RBFOX2: variants seen among roughly 807,000 people sequenced by gnomAD.
RBFOX2 encodes RNA binding fox-1 homolog 2.
RBFOX2 carries 10 observed loss-of-function variants against 49.1 expected under a neutral mutation model. The observed-to-expected ratio is 0.20, with a 90% CI of 0.13 to 0.35. The LOEUF (loss-of-function observed/expected upper bound fraction) is 0.35. RBFOX2 is among the 10% of genes least tolerant of loss of function. The pLI is 1.00. For missense variants in RBFOX2, 323 were observed against 486.9 expected (o/e 0.66, Z 3.17); for synonymous variants, 183 against 187.4 (o/e 0.98, Z 0.19).
At chr22:35,830,195 G>A (rs948554549) in intron 1 of RBFOX2, among the ~76,000 whole-genome samples, 2 of 152,174 alleles carry the variant, frequency 1.3e-5, no homozygotes, top group African/African-American at 2.4e-5. Context: ...ATATTTGCTG[G>A]ATGCTGACAC....
intron 1 of RBFOX2, among the ~76,000 whole-genome samples, chr22:35,987,636 T>A (rs1264523570): frequency 6.6e-6 from 1 of 152,200 alleles, no homozygotes; most frequent in Non-Finnish European, 1.5e-5. Context: ...AATTAATCTG[T>A]CAGCCTGTCA....
At chr22:35,901,133 A>G (rs981034898) in intron 1 of RBFOX2, among the ~76,000 whole-genome samples, 3 of 152,220 alleles carry the variant, frequency 2.0e-5, no homozygotes, top group African/African-American at 4.8e-5. Flanking sequence ...GATCAAAGGA[A>G]ATTGAGGCCC....
upstream of RBFOX2, among the ~76,000 whole-genome samples, chr22:35,964,991 A>G (rs1435537850): frequency 1.3e-5 from 2 of 152,228 alleles, no homozygotes; most frequent in East Asian, 1.9e-4. Flanking sequence ...TCCAATACTT[A>G]CTGAATACTT....
chr22:35,934,613 G>A (rs771835353), intron 1 of RBFOX2, among the ~76,000 whole-genome samples: 56 of 152,134 alleles, frequency 3.7e-4, no homozygotes, highest in Non-Finnish European at 6.0e-4. Flanking sequence ...GCCAGCCTTA[G>A]GAGCCTTAGG....
intron 1 of RBFOX2, chr22:35,898,419 C>CTTTTTTTTTTT (rs749708583): frequency 3.9e-6 from 1 of 257,100 alleles, no homozygotes; most frequent in Non-Finnish European, 7.3e-6. Flanking sequence ...TCCCACAATC[C>CTTTTTTTTTTT]TTTTTTTTTT....
chr22:35,948,878 T>C (rs1212866455), intron 1 of RBFOX2, among the ~76,000 whole-genome samples: 1 of 152,152 alleles, frequency 6.6e-6, no homozygotes. Context: ...GCATTAAGTA[T>C]ATTTATATTG....
chr22:35,857,365 T>C (rs2042629129), intron 1 of RBFOX2, among the ~76,000 whole-genome samples: 1 of 152,052 alleles, frequency 6.6e-6, no homozygotes, highest in Non-Finnish European at 1.5e-5. Flanking sequence ...ATATTAGCAG[T>C]AGGAATAAAG....
At chr22:35,927,560 C>T (rs2051794206) in intron 1 of RBFOX2, among the ~76,000 whole-genome samples, 2 of 141,980 alleles carry the variant, frequency 1.4e-5, no homozygotes, top group East Asian at 2.1e-4. Flanking sequence ...GCCAAGATCG[C>T]ACCATTGCAC....
At chr22:35,813,470 T>A (rs535640273) in intron 1 of RBFOX2, among the ~76,000 whole-genome samples, 13 of 152,196 alleles carry the variant, frequency 8.5e-5, no homozygotes, top group Non-Finnish European at 1.3e-4. Flanking sequence ...ATTACTAGCT[T>A]TCTCTTTAGT....
chr22:35,934,982 T>A (rs896202490), intron 1 of RBFOX2, among the ~76,000 whole-genome samples: 2 of 152,172 alleles, frequency 1.3e-5, no homozygotes, highest in Admixed American at 6.5e-5. Context: ...TCACCCAGGC[T>A]GGAGCGCAGT....
chr22:35,778,084 G>A lies in RBFOX2; in HGVS notation c.400-6C>T. On this transcript the variant is annotated splice_region_variant and splice_polypyrimidine_tract_variant and intron_variant, in intron 3 of 11. Transcript: ENST00000405409. ...TCTAGGATTTTGCCAAACTGCTGCAGAGATAAAAATAAAAACGTTTACTTA... is the reference window on the plus strand; with the variant it reads ...TCTAGGATTTTGCCAAACTGCTGCAAAGATAAAAATAAAAACGTTTACTTA... 6.2e-7 allele frequency: 1 copy of A among 1,609,194 alleles called. No individual in the cohort carries two copies. Among genetic ancestry groups the A allele is most frequent in the South Asian group, 1.1e-5 (1 of 90,256 alleles).
chr22:36,013,648 CAGAG>C lies in RBFOX2; in HGVS notation c.186+14588_186+14591del, dbSNP rs373268996. On this transcript the variant is annotated intron_variant, in intron 1 of 13. Coordinates refer to the RBFOX2 transcript ENST00000438146. ...ACAAACACACACACACACACACACA[CAGAG>C]AGAGAGAGAGAGAGAGAGACCACTA... 2.7e-3 allele frequency among the ~76,000 whole-genome samples: 406 copies of C among 147,968 alleles called. 1 individual carries two copies. Among genetic ancestry groups the C allele is most frequent in the South Asian group, 0.015 (68 of 4,634 alleles).
At chr22:35,912,180 T>A (rs1330926306) in intron 1 of RBFOX2, among the ~76,000 whole-genome samples, 1 of 152,174 alleles carries the variant, frequency 6.6e-6, no homozygotes. Context: ...GCATACTACG[T>A]ATACTTCTCT....
chr22:35,861,510 A>G lies in RBFOX2; in HGVS notation c.-33-51506T>C, dbSNP rs141759054. Reference sequence around the variant, plus strand: ...GGCAAAAAAAATGAACACCTGATTAAAAGAAGATGGTAAATGAGATAGTAA... The same window carrying G: ...GGCAAAAAAAATGAACACCTGATTAGAAGAAGATGGTAAATGAGATAGTAA... On this transcript the variant is annotated intron_variant, in intron 1 of 13. Coordinates refer to the RBFOX2 transcript ENST00000359369. Among the ~76,000 whole-genome samples, 1,426 of 152,308 alleles carry G rather than the reference A, an allele frequency of 9.4e-3. 23 individuals carry two copies. The highest frequency in any genetic ancestry group is 0.033 in the African/African-American group (1,368 of 41,568).
chr22:35,746,510 T>C, exon 10 of RBFOX2: 1 of 1,610,574 alleles, frequency 6.2e-7, no homozygotes, highest in Admixed American at 1.7e-5. Context: ...GCAGCAGCGG[T>C]GGCTGCGGTT....
At chr22:35,904,417 A>C (rs1205405776) in intron 1 of RBFOX2, among the ~76,000 whole-genome samples, 2 of 152,160 alleles carry the variant, frequency 1.3e-5, no homozygotes, top group Non-Finnish European at 2.9e-5. Flanking sequence ...ACTTTTTGTT[A>C]GGGAAGGTCA....
At chr22:36,020,996 C>T (rs1164548203) in intron 1 of RBFOX2, among the ~76,000 whole-genome samples, 1 of 152,018 alleles carries the variant, frequency 6.6e-6, no homozygotes, top group African/African-American at 2.4e-5. Flanking sequence ...GGAACCAACC[C>T]AAATGCCCAT....
intron 1 of RBFOX2, among the ~76,000 whole-genome samples, chr22:35,849,551 A>C (rs1347484384): frequency 1.3e-5 from 2 of 152,208 alleles, no homozygotes; most frequent in African/African-American, 4.8e-5. Context: ...CAGTATCTAG[A>C]AATTATAACC....
intron 2 of RBFOX2, among the ~76,000 whole-genome samples, chr22:35,794,103 G>A (rs551110451): frequency 2.0e-5 from 3 of 152,174 alleles, no homozygotes; most frequent in African/African-American, 4.8e-5. Flanking sequence ...TTATTTTAAC[G>A]TTCATTTAGA....
Sources: allele counts gnomAD v4.1 joint callset (sites outside exome capture counted in the v4.1 genomes callset), GRCh38; gene constraint gnomAD v4.1.1; transcripts MANE v1.5; gene names NCBI Gene and HGNC (gene_info 2026-07-23, HGNC 2026-07-21).